Variants in CSF1R observed in about 807,000 individuals in gnomAD.
CSF1R encodes the protein macrophage colony-stimulating factor 1 receptor.
Under a neutral mutation model 110.0 loss-of-function variants are expected in CSF1R, and 40 were observed. The ratio of observed to expected loss-of-function variants is 0.36; its 90% CI spans 0.28 to 0.47. The LOEUF (loss-of-function observed/expected upper bound fraction) is 0.47. Ranked by LOEUF, CSF1R falls within the 20% of genes least tolerant of loss-of-function variation. The probability of loss-of-function intolerance (pLI) is 0.99; values close to 1 mark genes in which losing one functional copy is unlikely to be tolerated. For missense variants in CSF1R, 1,052 were observed against 1,253.0 expected, an observed-to-expected ratio of 0.84 and a Z score of 2.42; for synonymous variants, 523 against 503.4, an observed-to-expected ratio of 1.04 and a Z score of -0.52.
chr5:150,080,691 C>G (rs201706960), intron 2 of CSF1R, 76 bp downstream of exon 2: 1 of 1,564,326 alleles, frequency 6.4e-7, no homozygotes, highest in South Asian at 1.2e-5. Flanking sequence ...TGAATTGTTA[C>G]GATTGTTAAT....
intron 1 of CSF1R, among the ~76,000 whole-genome samples, chr5:150,100,189 A>G (rs1561962581): frequency 6.6e-6 from 1 of 151,892 alleles, no homozygotes; most frequent in Non-Finnish European, 1.5e-5. Flanking sequence ...TTAAAAAAAA[A>G]TTCCTAGATA....
chr5:150,061,909 T>C, intron 10 of CSF1R, 60 bp from the exon 11 acceptor site: 1 of 1,609,300 alleles, frequency 6.2e-7, no homozygotes, highest in Non-Finnish European at 8.5e-7. Flanking sequence ...CTGGACCTTG[T>C]TTCTGACCCC....
At chr5:150,106,761 C>T (rs1330707111) in intron 1 of CSF1R, among the ~76,000 whole-genome samples, 1 of 152,184 alleles carries the variant, frequency 6.6e-6, no homozygotes, top group Non-Finnish European at 1.5e-5. Context: ...CTGTACTGAA[C>T]ACTTGCAGCT....
intron 1 of CSF1R, among the ~76,000 whole-genome samples, chr5:150,112,201 C>T (rs1342965011): frequency 6.6e-6 from 1 of 151,192 alleles, no homozygotes; most frequent in Non-Finnish European, 1.5e-5. Flanking sequence ...TACCCTCACA[C>T]TTTGCCCTTG....
chr5:150,055,886 C>G, intron 18 of CSF1R, 140 bp downstream of exon 18: 1 of 710,110 alleles, frequency 1.4e-6, no homozygotes, highest in Non-Finnish European at 2.3e-6. Context: ...AGCCACGATG[C>G]TGGGTTTCGA....
Position 150,085,276 on chromosome 5 carries a change from G to GTAAAAAAAAAAAAA in CSF1R, c.49+1102_49+1103insTTTTTTTTTTTTTA, listed in dbSNP as rs1758785858. 3.5e-4 allele frequency among the ~76,000 whole-genome samples: 15 copies of GTAAAAAAAAAAAAA among 42,794 alleles called. 1 individual carries two copies. Among genetic ancestry groups the GTAAAAAAAAAAAAA allele is most frequent in the Non-Finnish European group, 4.2e-5 (1 of 23,800 alleles). The allele number at this position is 42,794 out of a possible 152,430, so 28.1% of individuals were successfully genotyped here. Reference sequence around the variant, plus strand: ...GGTGACAGAGAGAGACTCTGTCTCAGGAAAAAAAAAAAAAAAACCCAAATA... The same window carrying GTAAAAAAAAAAAAA: ...GGTGACAGAGAGAGACTCTGTCTCAGTAAAAAAAAAAAAAGAAAAAAAAAAAAAAAACCCAAATA... On this transcript the variant is annotated intron_variant, in intron 1 of 20. Transcript: ENST00000675795.
rs890245987 is a variant in CSF1R at position 150,077,453 on chromosome 5, G to A, written c.730-18C>T. Reference sequence around the variant, plus strand: ...ATTGCGAGCTGCAGCCAGAAGGAATGGAGATGTTATACCAAGGTAGTTTAG... The same window carrying A: ...ATTGCGAGCTGCAGCCAGAAGGAATAGAGATGTTATACCAAGGTAGTTTAG... On this transcript the variant is annotated intron_variant, in intron 4 of 20. Coordinates refer to ENST00000675795, the MANE Select transcript of CSF1R (RefSeq NM_001288705.3). 3 of 1,606,960 alleles carry A rather than the reference G, an allele frequency of 1.9e-6. No homozygotes were observed. The African/African-American group carries it at 4.0e-5, about 21-fold the overall frequency.
rs377162015 is a variant in CSF1R at position 150,080,296 on chromosome 5, G to A, written c.348C>T (p.Val116=). The stretch of plus-strand genomic sequence containing the variant: ...GTAGTGCGTCCTGGTCCTCGAACAC[G>A]ACCACCTCCTGTGCTAGCACGTTCC... ...RPWNVLAQEV[V]VFEDQDALLP... The change falls in exon 3 of 21, where the codon GTC becomes GTT. Residue 116 remains valine (V), a synonymous_variant. Coordinates refer to ENST00000675795, the MANE Select transcript of CSF1R (RefSeq NM_001288705.3). 182 of 1,613,724 alleles carry A rather than the reference G, an allele frequency of 1.1e-4. No individual in the cohort carries two copies. The highest frequency in any genetic ancestry group is 2.7e-4 in the Admixed American group (16 of 60,016).
intron 1 of CSF1R, 113 bp from the exon 2 acceptor site, chr5:150,081,137 G>T: frequency 8.0e-7 from 1 of 1,253,748 alleles, no homozygotes; most frequent in Non-Finnish European, 1.1e-6. Context: ...GCCATCAAGG[G>T]ACCACCTTGA....
At chr5:150,099,968 T>C (rs1038699310) in intron 1 of CSF1R, among the ~76,000 whole-genome samples, 4 of 152,230 alleles carry the variant, frequency 2.6e-5, no homozygotes, top group African/African-American at 9.6e-5. Context: ...AGTCTTTCTA[T>C]AATAGATATC....
chr5:150,085,293 A>AC (rs1561947697), intron 1 of CSF1R, among the ~76,000 whole-genome samples: 3 of 145,746 alleles, frequency 2.1e-5, no homozygotes, highest in Non-Finnish European at 4.5e-5. Context: ...AAAAAAAAAA[A>AC]CCCAAATACT....
At chr5:150,089,615 T>G (rs995632938), upstream of CSF1R, among the ~76,000 whole-genome samples, 25 of 152,314 alleles carry the variant, frequency 1.6e-4, no homozygotes, top group South Asian at 5.0e-3. Flanking sequence ...AGCGGTACTC[T>G]CAAAGTGAGA....
rs529645351 is a variant in CSF1R, at chr5:150,081,214, GTC to G, written c.50-192_50-191del. On this transcript the variant is annotated intron_variant, in intron 1 of 20. Coordinates refer to ENST00000675795, the MANE Select transcript of CSF1R (RefSeq NM_001288705.3). Reference sequence around the variant, plus strand: ...TCAACCTGCTCAGGGACAGACTGATGTCTCTGATGTCCAGGAGGTCCCTCCTC... The same window carrying G: ...TCAACCTGCTCAGGGACAGACTGATGTCTGATGTCCAGGAGGTCCCTCCTC... 2.0e-5 allele frequency among the ~76,000 whole-genome samples: 3 copies of G among 152,266 alleles called. No individual in the cohort carries two copies. The South Asian group carries it at 6.2e-4, about 32-fold the overall frequency.
chr5:150,064,253 T>TA (rs1228653169), intron 10 of CSF1R, among the ~76,000 whole-genome samples: 1 of 152,254 alleles, frequency 6.6e-6, no homozygotes, highest in South Asian at 2.1e-4. Flanking sequence ...TCACGAAACA[T>TA]ACGCATGCAA....
At chr5:150,089,261 AAAG>A (rs1414849205), upstream of CSF1R, among the ~76,000 whole-genome samples, 6 of 152,336 alleles carry the variant, frequency 3.9e-5, no homozygotes, top group South Asian at 8.3e-4. Flanking sequence ...CCAAATTAAA[AAAG>A]AAGAAGTAAA....
chr5:150,086,011 G>A (rs1263496662), intron 1 of CSF1R, among the ~76,000 whole-genome samples: 3 of 152,206 alleles, frequency 2.0e-5, no homozygotes, highest in African/African-American at 7.2e-5. Context: ...CAGGTAACTT[G>A]TATGCACAGG....
At chr5:150,080,688 T>C (rs1025198273) in intron 2 of CSF1R, 79 bp downstream of exon 2, 2 of 1,557,386 alleles carry the variant, frequency 1.3e-6, no homozygotes, top group Non-Finnish European at 1.8e-6. Context: ...AGCTGAATTG[T>C]TACGATTGTT....
chr5:150,078,040 G>A (rs1758350565), intron 4 of CSF1R, 72 bp downstream of exon 4: 11 of 1,590,540 alleles, frequency 6.9e-6, no homozygotes, highest in Middle Eastern at 1.7e-4. Flanking sequence ...TGGGGGCCCA[G>A]GACTCCACCA....
Position 150,070,509 on chromosome 5 carries a change from A to C in CSF1R, c.1145T>G (p.Leu382Arg). The C allele has an allele frequency of 6.4e-7, 1 of 1,555,608 alleles. No homozygotes were observed. Among genetic ancestry groups the C allele is most frequent in the Non-Finnish European group, 8.7e-7 (1 of 1,149,464 alleles). ...KPSEAGRYSF[L>R]ARNPGGWRAL... ...TCTCCAGCCTCCTGGGTTTCTGGCC[A>C]GGAAGGAGTAGCGGCCAGCCTCAGA... The change falls in exon 7 of 21, where the codon CTG (leucine) becomes CGG (arginine). Residue 382 changes from leucine (L) to arginine (R), a missense_variant. Physicochemically the swap from Leu to Arg is moderately radical, Grantham distance 102. Transcript: ENST00000675795.
Sources: gnomAD v4.1 joint callset for allele counts (sites outside exome capture counted in the v4.1 genomes callset) on GRCh38, gnomAD v4.1.1 for gene constraint, MANE v1.5 for transcripts, NCBI Gene and HGNC (gene_info 2026-07-23, HGNC 2026-07-21) for gene names.